The following CARMIL1 variants were observed in gnomAD, a reference collection of about 807,000 sequenced individuals.
The protein encoded by CARMIL1 is F-actin-uncapping protein LRRC16A.
Under a neutral mutation model 177.1 loss-of-function variants are expected in CARMIL1, and 90 were observed. The ratio of observed to expected loss-of-function variants is 0.51; its 90% CI spans 0.43 to 0.61. CARMIL1 has a LOEUF of 0.61. Among genes scored for constraint, CARMIL1 ranks in the 20% least tolerant of loss-of-function variants. The pLI, the probability that CARMIL1 is intolerant of heterozygous loss-of-function variation, is 0.00. For synonymous variants in CARMIL1, 577 were observed against 606.2 expected (o/e 0.95, Z 0.71); for missense variants, 1,380 against 1,667.0 (o/e 0.83, Z 3.00).
intron 4 of CARMIL1, among the ~76,000 whole-genome samples, chr6:25,429,375 C>T (rs1174599217): frequency 1.3e-5 from 2 of 151,540 alleles, no homozygotes; most frequent in Admixed American, 6.7e-5. Flanking sequence ...TCATAAAATC[C>T]TATGTCTCTG....
At chr6:25,375,328 G>A (rs534440320) in intron 2 of CARMIL1, among the ~76,000 whole-genome samples, 36 of 152,332 alleles carry the variant, frequency 2.4e-4, no homozygotes, top group African/African-American at 8.4e-4. Flanking sequence ...ATCCCTTCTG[G>A]CTTGTAAGGT....
At chr6:25,541,185 A>G (rs1452935666) in intron 26 of CARMIL1, among the ~76,000 whole-genome samples, 2 of 152,218 alleles carry the variant, frequency 1.3e-5, no homozygotes, top group African/African-American at 4.8e-5. Flanking sequence ...TGTTTAAACA[A>G]TACTAACATA....
intron 11 of CARMIL1, among the ~76,000 whole-genome samples, chr6:25,475,470 C>G (rs1193485026): frequency 6.6e-6 from 1 of 151,730 alleles, no homozygotes; most frequent in Non-Finnish European, 1.5e-5. Context: ...GTTTTATCAC[C>G]AAAGAGAAAG....
At chr6:25,440,982 A>G (rs1797694392) in intron 5 of CARMIL1, among the ~76,000 whole-genome samples, 1 of 152,028 alleles carries the variant, frequency 6.6e-6, no homozygotes, top group African/African-American at 2.4e-5. Context: ...AGTTTGGGTA[A>G]TCAGTTCTTG....
At chr6:25,357,568 A>C (rs1026797826) in intron 2 of CARMIL1, among the ~76,000 whole-genome samples, 4 of 152,194 alleles carry the variant, frequency 2.6e-5, no homozygotes, top group Non-Finnish European at 5.9e-5. Flanking sequence ...TAGGGGACAG[A>C]GTGAAATTTT....
intron 17 of CARMIL1, among the ~76,000 whole-genome samples, chr6:25,503,642 T>A (rs1186546107): frequency 1.3e-5 from 2 of 152,192 alleles, no homozygotes; most frequent in African/African-American, 4.8e-5. Context: ...TTTCTGCCTG[T>A]TCTCTATTTA....
intron 32 of CARMIL1, among the ~76,000 whole-genome samples, chr6:25,597,622 C>A (rs191291707): frequency 1.3e-4 from 20 of 152,178 alleles, no homozygotes; most frequent in African/African-American, 4.8e-4. Flanking sequence ...AGCATCTGAC[C>A]AGCTCCAGTG....
chr6:25,490,752 AAAAAAAAT>A (rs1803145726), intron 13 of CARMIL1, among the ~76,000 whole-genome samples: 1 of 23,766 alleles, frequency 4.2e-5, no homozygotes, highest in Non-Finnish European at 6.7e-5. Context: ...TAAATAAATA[AAAAAAAAT>A]AAATGTCATT....
At chr6:25,387,114 C>CAAAAAAAAAAAAAAAAAAAAAAAAAAAA (rs377548646) in intron 2 of CARMIL1, among the ~76,000 whole-genome samples, 5 of 101,920 alleles carry the variant, frequency 4.9e-5, no homozygotes, top group African/African-American at 1.3e-4. Context: ...ACTCTGTCTC[C>CAAAAAAAAAAAAAAAAAAAAAAAAAAAA]AAAAAAAAAA....
intron 2 of CARMIL1, among the ~76,000 whole-genome samples, chr6:25,342,527 C>G (rs12193883): frequency 0.26 from 38,928 of 151,994 alleles, 5,035 homozygotes; most frequent in South Asian, 0.36. Context: ...TTACATTATT[C>G]TGAGGATTAG....
At chr6:25,287,862 CT>C (rs1781637921) in intron 2 of CARMIL1, among the ~76,000 whole-genome samples, 1 of 152,216 alleles carries the variant, frequency 6.6e-6, no homozygotes, top group African/African-American at 2.4e-5. Context: ...GAGATTTGGA[CT>C]TTAGAGTCTC....
chr6:25,470,342 T>G (rs2150936884), intron 9 of CARMIL1, among the ~76,000 whole-genome samples: 1 of 152,366 alleles, frequency 6.6e-6, no homozygotes, highest in South Asian at 2.1e-4. Flanking sequence ...GAAATACACA[T>G]AGAGGGCTTA....
At chr6:25,579,410 A>G (rs889308586) in intron 29 of CARMIL1, among the ~76,000 whole-genome samples, 1 of 152,246 alleles carries the variant, frequency 6.6e-6, no homozygotes, top group Non-Finnish European at 1.5e-5. Context: ...TGGATAGAAT[A>G]CTGAAGAACT....
chr6:25,582,529 C>G (rs10434845), intron 31 of CARMIL1, among the ~76,000 whole-genome samples: 57,969 of 151,970 alleles, frequency 0.38, 11,171 homozygotes, highest in East Asian at 0.49. Context: ...ATAAGCCTGC[C>G]CTTCTCATAT....
chr6:25,287,846 A>G (rs1313473237), intron 2 of CARMIL1, among the ~76,000 whole-genome samples: 2 of 152,206 alleles, frequency 1.3e-5, no homozygotes, highest in Non-Finnish European at 2.9e-5. Context: ...TCAAACAATG[A>G]TAGGGGAGAT....
Position 25,606,279 on chromosome 6 carries a change from A to T in CARMIL1, c.3847+6A>T. On this transcript the variant is annotated splice_donor_region_variant and intron_variant, in intron 35 of 36. Transcript: ENST00000329474. The stretch of plus-strand genomic sequence containing the variant: ...AAGAACCGCCTCACGGCCTGGTAAG[A>T]GTTTTGCAGTTAGGGAGTTGCATTG... 3.1e-6 allele frequency: 5 copies of T among 1,611,646 alleles called. No individual in the cohort carries two copies. Among genetic ancestry groups the T allele is most frequent in the Non-Finnish European group, 4.2e-6 (5 of 1,179,130 alleles).
chr6:25,317,389 C>T (rs527386660), intron 2 of CARMIL1, among the ~76,000 whole-genome samples: 7 of 152,108 alleles, frequency 4.6e-5, no homozygotes, highest in Non-Finnish European at 1.0e-4. Flanking sequence ...GCCTTGACCT[C>T]CCAAAGTCTC....
At chr6:25,351,748 G>T (rs1039158440) in intron 2 of CARMIL1, among the ~76,000 whole-genome samples, 1 of 152,030 alleles carries the variant, frequency 6.6e-6, no homozygotes, top group African/African-American at 2.4e-5. Context: ...CCTGAGCCTC[G>T]TTGTCCTCCT....
intron 33 of CARMIL1, among the ~76,000 whole-genome samples, chr6:25,602,399 A>G (rs1463062632): frequency 6.6e-6 from 1 of 152,226 alleles, no homozygotes; most frequent in Non-Finnish European, 1.5e-5. Flanking sequence ...GTTTTGATTA[A>G]TATGCTGTTT....
Sources: gnomAD v4.1 joint callset for allele counts (sites outside exome capture counted in the v4.1 genomes callset) on GRCh38, gnomAD v4.1.1 for gene constraint, MANE v1.5 for transcripts, NCBI Gene and HGNC (gene_info 2026-07-23, HGNC 2026-07-21) for gene names.